CDH4: variants seen among roughly 807,000 people sequenced by gnomAD.
CDH4 encodes the protein cadherin-4.
A neutral mutation model predicts 86.0 loss-of-function variants in CDH4; 33 were observed. The ratio of observed to expected loss-of-function variants is 0.38; its 90% CI spans 0.29 to 0.51. The LOEUF (loss-of-function observed/expected upper bound fraction) is 0.51, where lower values mean the gene tolerates loss of function less well. CDH4 is among the 20% of genes least tolerant of loss of function. CDH4 has a pLI of 0.86. For missense variants in CDH4, 1,114 were observed against 1,307.4 expected (o/e 0.85, Z 2.28); for synonymous variants, 555 against 549.4 (o/e 1.01, Z -0.14).
chr20:61,503,403 G>T (rs2085718632), intron 2 of CDH4, among the ~76,000 whole-genome samples: 1 of 152,222 alleles, frequency 6.6e-6, no homozygotes, highest in Non-Finnish European at 1.5e-5. Flanking sequence ...TAAAAGTAAA[G>T]ATAATCAGCC....
intron 2 of CDH4, among the ~76,000 whole-genome samples, chr20:61,640,086 C>T (rs1421780667): frequency 6.6e-6 from 1 of 152,224 alleles, no homozygotes; most frequent in Non-Finnish European, 1.5e-5. Flanking sequence ...TGAAGCTCCA[C>T]AGCTTCTGAT....
chr20:61,656,779 C>G (rs1366336766), intron 2 of CDH4, among the ~76,000 whole-genome samples: 1 of 152,198 alleles, frequency 6.6e-6, no homozygotes, highest in Non-Finnish European at 1.5e-5. Flanking sequence ...GGGGTCCATT[C>G]CTCCAGGAAA....
At chr20:61,445,971 A>G (rs1288477601) in intron 2 of CDH4, among the ~76,000 whole-genome samples, 1 of 152,250 alleles carries the variant, frequency 6.6e-6, no homozygotes, top group Non-Finnish European at 1.5e-5. Flanking sequence ...GCTGGTGGAT[A>G]GCAGTTGGTT....
At chr20:61,519,716 C>T (rs1000497633) in intron 2 of CDH4, among the ~76,000 whole-genome samples, 1 of 152,214 alleles carries the variant, frequency 6.6e-6, no homozygotes, top group Non-Finnish European at 1.5e-5. Context: ...GTTCCTTAAT[C>T]GAATGCCACT....
At position 61,392,628 on chromosome 20, in the gene CDH4, T is replaced by C. The variant is rs910300116; in HGVS notation, c.169+137691T>C. Reference sequence around the variant, plus strand: ...GCCCCATAAAGGGGAAATATGGTCCTATTACTTGGTAAAATGTTGTGCTAT... The same window carrying C: ...GCCCCATAAAGGGGAAATATGGTCCCATTACTTGGTAAAATGTTGTGCTAT... On this transcript the variant is annotated intron_variant, in intron 2 of 15. Coordinates refer to ENST00000614565, the MANE Select transcript of CDH4 (RefSeq NM_001794.5). The surrounding 1 kb of genome is among the most constrained non-coding windows in gnomAD (Gnocchi z 5.7). 6.6e-6 allele frequency among the ~76,000 whole-genome samples: 1 copy of C among 152,202 alleles called. No individual in the cohort carries two copies. The highest frequency in any genetic ancestry group is 2.4e-5 in the African/African-American group (1 of 41,458).
At position 61,293,475 on chromosome 20, in the gene CDH4, G is replaced by C. The variant is rs115322916; in HGVS notation, c.169+38538G>C. ...CGTGCGGGGACTTCTGGGGAAGGAA[G>C]GTCAGTCACTCAACCAACACTTGTT... is the stretch of plus-strand genomic sequence containing the variant. On this transcript the variant is annotated intron_variant, in intron 2 of 15. Coordinates refer to ENST00000614565, the MANE Select transcript of CDH4 (RefSeq NM_001794.5). Among the ~76,000 whole-genome samples the C allele has an allele frequency of 9.0e-3, 1,372 of 152,248 alleles. 27 individuals carry two copies. The highest frequency in any genetic ancestry group is 0.032 in the African/African-American group (1,311 of 41,536).
chr20:61,652,938 A>ATTTATTTATTTTTTTTTTTT (rs1555819716), intron 2 of CDH4, among the ~76,000 whole-genome samples: 5 of 97,432 alleles, frequency 5.1e-5, no homozygotes, highest in Admixed American at 1.1e-4. Flanking sequence ...TTATTTATTT[A>ATTTATTTATTTTTTTTTTTT]TTTTTTTTTT....
At chr20:61,574,269 T>G (rs1440899059) in intron 2 of CDH4, among the ~76,000 whole-genome samples, 1 of 152,242 alleles carries the variant, frequency 6.6e-6, no homozygotes, top group African/African-American at 2.4e-5. Flanking sequence ...TGGGGCCTGC[T>G]CTCACTGGCC....
chr20:61,717,349 C>T lies in CDH4; in HGVS notation c.170-26214C>T, dbSNP rs143231262. On this transcript the variant is annotated intron_variant, in intron 2 of 15. Transcript: ENST00000614565. Reference sequence around the variant, plus strand: ...AGTACTGGGCAGGACCAGCCACAGACGCTGCTGCTCTCTGAGCACGGGGAC... The same window carrying T: ...AGTACTGGGCAGGACCAGCCACAGATGCTGCTGCTCTCTGAGCACGGGGAC... Among the ~76,000 whole-genome samples the T allele has an allele frequency of 4.3e-3, 661 of 152,348 alleles. 6 individuals carry two copies. The highest frequency in any genetic ancestry group is 7.1e-3 in the Non-Finnish European group (485 of 68,032).
chr20:61,716,242 A>G (rs1301786742), intron 2 of CDH4, among the ~76,000 whole-genome samples: 15 of 133,680 alleles, frequency 1.1e-4, no homozygotes, highest in African/African-American at 3.1e-4. Flanking sequence ...GGCTGGAGCT[A>G]TAAAGGGACA....
chr20:61,365,404 G>A (rs991581390), intron 2 of CDH4, among the ~76,000 whole-genome samples: 2 of 152,156 alleles, frequency 1.3e-5, no homozygotes, highest in Non-Finnish European at 2.9e-5. Flanking sequence ...GAGGGACGGG[G>A]TGGAAACCTG....
In CDH4 at chr20:61,829,628, G is replaced by A. The variant is rs1267492784; in HGVS notation, c.577-15040G>A. On this transcript the variant is annotated intron_variant, in intron 4 of 15. Transcript: ENST00000614565. The surrounding 1 kb of genome is among the most constrained non-coding windows in gnomAD (Gnocchi z 4.2). ...TGTTGAGGAAGCCCTGGCGAGTGGG[G>A]GCTCCTCTGCCAAGCATTAAATACG... is the stretch of plus-strand genomic sequence containing the variant. Among the ~76,000 whole-genome samples the A allele has an allele frequency of 1.3e-5, 2 of 152,186 alleles. No homozygotes were observed. Among genetic ancestry groups the A allele is most frequent in the Non-Finnish European group, 2.9e-5 (2 of 68,030 alleles).
intron 2 of CDH4, among the ~76,000 whole-genome samples, chr20:61,535,266 G>A (rs67283024): frequency 0.15 from 23,412 of 152,198 alleles, 2,116 homozygotes; most frequent in East Asian, 0.45. Flanking sequence ...AGTCTCGACT[G>A]GTTCCCAGCA....
chr20:61,819,426 C>T (rs112438458), intron 4 of CDH4, among the ~76,000 whole-genome samples: 103 of 152,360 alleles, frequency 6.8e-4, no homozygotes, highest in African/African-American at 2.4e-3. Context: ...GCCCCGGGAG[C>T]GTTCCATGCA....
intron 2 of CDH4, among the ~76,000 whole-genome samples, chr20:61,704,848 AGCTGT>A (rs2087812914): frequency 2.0e-5 from 3 of 152,174 alleles, no homozygotes; most frequent in African/African-American, 7.2e-5. Flanking sequence ...CACCACCCCC[AGCTGT>A]GACTACAGGA....
At chr20:61,711,246 G>T (rs902276223) in intron 2 of CDH4, among the ~76,000 whole-genome samples, 19 of 152,212 alleles carry the variant, frequency 1.2e-4, no homozygotes, top group African/African-American at 4.6e-4. Context: ...GGATGTGTTT[G>T]CTTCCCCTTC....
At chr20:61,781,754 G>A (rs985169889) in intron 4 of CDH4, among the ~76,000 whole-genome samples, 2 of 152,186 alleles carry the variant, frequency 1.3e-5, no homozygotes, top group African/African-American at 2.4e-5. Flanking sequence ...CAAACTTACA[G>A]ATTCAAGAAA....
intron 6 of CDH4, among the ~76,000 whole-genome samples, chr20:61,857,658 G>A (rs940026158): frequency 2.0e-5 from 3 of 152,228 alleles, no homozygotes; most frequent in African/African-American, 7.2e-5. Flanking sequence ...GGATTTCACT[G>A]GAAGAAATGA....
intron 12 of CDH4, 45 bp downstream of exon 12, chr20:61,928,468 T>A: frequency 2.6e-6 from 4 of 1,550,400 alleles, no homozygotes; most frequent in Non-Finnish European, 3.5e-6. Context: ...TAGCCTGGGG[T>A]GCAGGCCCCT....
Sources: allele counts gnomAD v4.1 joint callset (sites outside exome capture counted in the v4.1 genomes callset), GRCh38; gene constraint gnomAD v4.1.1; non-coding constraint Gnocchi (gnomAD v3.1); transcripts MANE v1.5; gene names NCBI Gene and HGNC (gene_info 2026-07-23, HGNC 2026-07-21).